The following UPP2 variants were observed in gnomAD, a reference collection of about 807,000 sequenced individuals.
UPP2 encodes the protein UPase 2.
Under a neutral mutation model 26.7 loss-of-function variants are expected in UPP2, and 23 were observed. That is an observed-to-expected ratio of 0.86 (90% CI 0.62 to 1.22). The LOEUF is 1.22. UPP2 is among the 50% of genes most tolerant of loss of function. The pLI, the probability that UPP2 is intolerant of heterozygous loss-of-function variation, is 0.00. For missense variants in UPP2, 387 were observed against 396.7 expected (o/e 0.98, Z 0.21); for synonymous variants, 127 against 141.3 (o/e 0.90, Z 0.72).
intron 2 of UPP2, among the ~76,000 whole-genome samples, chr2:158,113,827 T>A (rs1683368083): frequency 6.6e-6 from 1 of 152,178 alleles, no homozygotes; most frequent in African/African-American, 2.4e-5. Context: ...TTTTCCTCAC[T>A]AGAGGACTCA....
chr2:157,997,339 T>C (rs771010204), intron 2 of UPP2, among the ~76,000 whole-genome samples: 1 of 152,210 alleles, frequency 6.6e-6, no homozygotes, highest in Non-Finnish European at 1.5e-5. Context: ...CATTTTATAA[T>C]ATACCATTGA....
rs567378044 is a variant in UPP2 at position 158,077,870 on chromosome 2, T to C, written c.148-24170T>C. On this transcript the variant is annotated intron_variant, in intron 3 of 9. Coordinates refer to the UPP2 transcript ENST00000605860. ...CAGAATAAGAGGGAGAAAATACTTA[T>C]AAACTACCTATCTGACAAGGGATTA... 3.3e-5 allele frequency among the ~76,000 whole-genome samples: 5 copies of C among 151,952 alleles called. No individual in the cohort carries two copies. In the South Asian group the frequency reaches 1.0e-3, roughly 32 times the overall value.
chr2:158,017,322 A>G (rs562209319), intron 3 of UPP2, among the ~76,000 whole-genome samples: 1 of 152,290 alleles, frequency 6.6e-6, no homozygotes, highest in East Asian at 1.9e-4. Flanking sequence ...GGTGACCCAG[A>G]GGTACCTTGT....
chr2:158,105,695 T>C (rs764817822), intron 1 of UPP2, among the ~76,000 whole-genome samples: 3 of 152,236 alleles, frequency 2.0e-5, no homozygotes, highest in Admixed American at 6.5e-5. Flanking sequence ...CAGTAGTTTA[T>C]ATTCCACAGC....
chr2:158,059,739 A>G (rs1181828282), intron 3 of UPP2, among the ~76,000 whole-genome samples: 1 of 152,140 alleles, frequency 6.6e-6, no homozygotes. Flanking sequence ...TCTTGCCCCA[A>G]TATGGCTTCC....
At chr2:158,061,844 A>G (rs139910041) in intron 3 of UPP2, among the ~76,000 whole-genome samples, 39 of 152,312 alleles carry the variant, frequency 2.6e-4, no homozygotes, top group African/African-American at 9.4e-4. Flanking sequence ...TGCACAGATC[A>G]GGTAATCTGG....
rs1558917393 is a variant in UPP2 at position 158,058,431 on chromosome 2, G to GTGTGTGTGTGTGTGTGTA, written c.147+42562_147+42563insATGTGTGTGTGTGTGTGT. Among the ~76,000 whole-genome samples, 110 of 150,248 alleles carry GTGTGTGTGTGTGTGTGTA rather than the reference G, an allele frequency of 7.3e-4. 1 individual carries two copies. Among genetic ancestry groups the GTGTGTGTGTGTGTGTGTA allele is most frequent in the African/African-American group, 2.6e-3 (106 of 40,410 alleles). ...CTCTCCCCCCAACCTGTGTGTGTGT[G>GTGTGTGTGTGTGTGTGTA]TGTGTGTGTGTGTGTGTGTACGCGC... On this transcript the variant is annotated intron_variant, in intron 3 of 9. Coordinates refer to the UPP2 transcript ENST00000605860.
At chr2:158,002,681 G>A (rs1264210986) in intron 2 of UPP2, among the ~76,000 whole-genome samples, 1 of 152,200 alleles carries the variant, frequency 6.6e-6, no homozygotes, top group African/African-American at 2.4e-5. Flanking sequence ...TGGCTTAAGT[G>A]CATGTTTATT....
intron 3 of UPP2, among the ~76,000 whole-genome samples, chr2:158,091,057 G>A (rs1040767246): frequency 2.0e-5 from 3 of 152,300 alleles, no homozygotes; most frequent in East Asian, 3.9e-4. Context: ...AGTGAGAAAC[G>A]GAAGTAACGC....
At chr2:158,036,977 T>A (rs1351106025) in intron 3 of UPP2, among the ~76,000 whole-genome samples, 1 of 152,190 alleles carries the variant, frequency 6.6e-6, no homozygotes, top group East Asian at 1.9e-4. Context: ...TGTATGGGGC[T>A]GGGAAAGTTT....
At chr2:158,068,777 TATATATATATATATATATATATATA>T (rs1292340433) in intron 3 of UPP2, among the ~76,000 whole-genome samples, 4 of 6,682 alleles carry the variant, frequency 6.0e-4, no homozygotes, top group South Asian at 3.2e-3. Context: ...TATATATATA[TATATATATATATATATATATATATA>T]TTTTTTTTTT....
chr2:158,027,492 C>T (rs1416439076), intron 3 of UPP2, among the ~76,000 whole-genome samples: 1 of 152,152 alleles, frequency 6.6e-6, no homozygotes, highest in Non-Finnish European at 1.5e-5. Context: ...CAGCTCCACC[C>T]CTATGGCTTT....
intron 3 of UPP2, among the ~76,000 whole-genome samples, chr2:158,074,173 T>C (rs985801025): frequency 8.5e-5 from 13 of 152,064 alleles, no homozygotes; most frequent in African/African-American, 3.1e-4. Context: ...TGAGACCCTG[T>C]CTCAAAACAA....
chr2:158,030,909 T>A (rs928754672), intron 3 of UPP2, among the ~76,000 whole-genome samples: 1 of 152,196 alleles, frequency 6.6e-6, no homozygotes, highest in African/African-American at 2.4e-5. Flanking sequence ...TCTGACCTCT[T>A]GGGAGCTTAG....
intron 2 of UPP2, among the ~76,000 whole-genome samples, chr2:157,996,265 C>T (rs949796201): frequency 9.2e-5 from 14 of 152,116 alleles, no homozygotes; most frequent in East Asian, 3.9e-4. Context: ...GCTTACCATA[C>T]CTTTAGTGAG....
At chr2:158,113,666 G>A (rs763998209) in intron 2 of UPP2, among the ~76,000 whole-genome samples, 1 of 152,212 alleles carries the variant, frequency 6.6e-6, no homozygotes, top group Non-Finnish European at 1.5e-5. Flanking sequence ...CCAATAGTTA[G>A]AGTAAATCAT....
At chr2:158,127,602 A>G (rs531026478) in intron 6 of UPP2, among the ~76,000 whole-genome samples, 8 of 152,308 alleles carry the variant, frequency 5.3e-5, no homozygotes, top group Admixed American at 2.6e-4. Flanking sequence ...ACAAAGGGGG[A>G]AATAAAGCCT....
intron 3 of UPP2, among the ~76,000 whole-genome samples, chr2:158,053,024 T>C (rs1388554909): frequency 6.6e-6 from 1 of 152,084 alleles, no homozygotes; most frequent in African/African-American, 2.4e-5. Context: ...AATCTCCTCA[T>C]TACAGGGAAA....
At chr2:158,002,729 G>T (rs1343835446) in intron 2 of UPP2, among the ~76,000 whole-genome samples, 1 of 152,208 alleles carries the variant, frequency 6.6e-6, no homozygotes, top group Non-Finnish European at 1.5e-5. Context: ...GCACTCCATT[G>T]CTGTGTTGCT....
Sources: gnomAD v4.1 joint callset for allele counts (sites outside exome capture counted in the v4.1 genomes callset) on GRCh38, gnomAD v4.1.1 for gene constraint, MANE v1.5 for transcripts, NCBI Gene and HGNC (gene_info 2026-07-23, HGNC 2026-07-21) for gene names.